The following SHC4 variants were observed in gnomAD, a reference collection of about 807,000 sequenced individuals.
SHC4 encodes the protein SHC adaptor protein 4.
Under a neutral mutation model 69.4 loss-of-function variants are expected in SHC4, and 41 were observed. That is an observed-to-expected ratio of 0.59 (90% CI 0.46 to 0.77). The LOEUF (loss-of-function observed/expected upper bound fraction) is 0.77. Ranked by LOEUF, SHC4 falls within the 30% of genes least tolerant of loss-of-function variation. The pLI is 0.00. For missense variants in SHC4, 777 were observed against 783.8 expected (o/e 0.99, Z 0.10); for synonymous variants, 318 against 299.3 (o/e 1.06, Z -0.64).
At chr15:48,948,348 C>T (rs545520529) in intron 1 of SHC4, among the ~76,000 whole-genome samples, 20 of 152,312 alleles carry the variant, frequency 1.3e-4, no homozygotes, top group Middle Eastern at 3.4e-3. Context: ...AAATAGGAAA[C>T]GCATTGTGAG....
At chr15:48,942,013 T>C (rs1360219587) in intron 1 of SHC4, among the ~76,000 whole-genome samples, 1 of 152,182 alleles carries the variant, frequency 6.6e-6, no homozygotes, top group Non-Finnish European at 1.5e-5. Context: ...GTCATATTCT[T>C]ATAAATAATC....
intron 4 of SHC4, among the ~76,000 whole-genome samples, chr15:48,874,530 C>G (rs1466841714): frequency 6.6e-6 from 1 of 152,194 alleles, no homozygotes; most frequent in Non-Finnish European, 1.5e-5. Context: ...ACATTAGATT[C>G]TCATAGGAGA....
chr15:48,848,619 T>C (rs1295729703), intron 9 of SHC4, among the ~76,000 whole-genome samples: 1 of 152,208 alleles, frequency 6.6e-6, no homozygotes, highest in Non-Finnish European at 1.5e-5. Context: ...AGTCTGTTAA[T>C]GTATTTGAAT....
intron 2 of SHC4, among the ~76,000 whole-genome samples, chr15:48,916,856 A>T (rs1050166019): frequency 1.3e-5 from 2 of 152,234 alleles, no homozygotes; most frequent in Non-Finnish European, 2.9e-5. Context: ...ACTGAATACA[A>T]GTTACATGTG....
intron 11 of SHC4, 101 bp from the exon 12 acceptor site, chr15:48,826,227 A>C: frequency 9.0e-7 from 1 of 1,107,308 alleles, no homozygotes; most frequent in Non-Finnish European, 1.2e-6. Flanking sequence ...CCTAAAGTAG[A>C]TACTTTGCTG....
chr15:48,862,321 C>T (rs1446362667), intron 6 of SHC4, among the ~76,000 whole-genome samples: 1 of 151,946 alleles, frequency 6.6e-6, no homozygotes, highest in Admixed American at 6.6e-5. Flanking sequence ...TCCTGGACTG[C>T]CACACATTTG....
At chr15:48,917,534 TA>T (rs1424657725) in intron 2 of SHC4, among the ~76,000 whole-genome samples, 4 of 152,132 alleles carry the variant, frequency 2.6e-5, no homozygotes, top group Non-Finnish European at 5.9e-5. Context: ...TTACTATCAG[TA>T]AAAACCTCCT....
chr15:48,848,744 A>T (rs951335872), intron 9 of SHC4, among the ~76,000 whole-genome samples: 1 of 152,248 alleles, frequency 6.6e-6, no homozygotes, highest in African/African-American at 2.4e-5. Context: ...ACTTACAAAA[A>T]GAAAAATCTT....
At chr15:48,949,356 G>C (rs910604871) in intron 1 of SHC4, among the ~76,000 whole-genome samples, 4 of 148,912 alleles carry the variant, frequency 2.7e-5, no homozygotes, top group Non-Finnish European at 5.9e-5. Context: ...GGGCGACAGA[G>C]TGAGACTCCG....
chr15:48,904,916 GCACACA>G (rs766950039), intron 2 of SHC4, among the ~76,000 whole-genome samples: 1 of 133,202 alleles, frequency 7.5e-6, no homozygotes, highest in Non-Finnish European at 1.6e-5. Flanking sequence ...CGACACACAC[GCACACA>G]CACACACACA....
At chr15:48,877,368 T>A in intron 4 of SHC4, 2 of 843,078 alleles carry the variant, frequency 2.4e-6, no homozygotes, top group Non-Finnish European at 2.9e-6. Flanking sequence ...AAGTGCAGAA[T>A]AAATGAAATG....
At chr15:48,951,195 G>T (rs1011040295) in intron 1 of SHC4, among the ~76,000 whole-genome samples, 1 of 151,946 alleles carries the variant, frequency 6.6e-6, no homozygotes, top group South Asian at 2.1e-4. Context: ...TGCTTTCGGG[G>T]TCACCTTGAA....
chr15:48,830,731 A>G (rs993376559), intron 11 of SHC4, among the ~76,000 whole-genome samples: 1 of 152,244 alleles, frequency 6.6e-6, no homozygotes, highest in Admixed American at 6.5e-5. Flanking sequence ...ATTAATAGAA[A>G]AGAATGCTCA....
chr15:48,851,302 C>A, intron 8 of SHC4, 54 bp from the exon 9 acceptor site: 2 of 1,557,140 alleles, frequency 1.3e-6, no homozygotes, highest in Admixed American at 3.5e-5. Context: ...CATTCATAAA[C>A]TTAAAAGAAA....
At chr15:48,923,867 T>C (rs1900797465) in intron 2 of SHC4, among the ~76,000 whole-genome samples, 1 of 152,008 alleles carries the variant, frequency 6.6e-6, no homozygotes, top group Non-Finnish European at 1.5e-5. Flanking sequence ...TCTCAAACTC[T>C]TGGCCTCAAG....
chr15:48,834,682 C>T, intron 11 of SHC4, 87 bp downstream of exon 11: 1 of 1,542,624 alleles, frequency 6.5e-7, no homozygotes, highest in Admixed American at 1.8e-5. Flanking sequence ...GCCTTGAGCA[C>T]TATTCAATAC....
intron 4 of SHC4, chr15:48,878,768 T>C (rs1303460460): frequency 1.1e-5 from 18 of 1,581,122 alleles, no homozygotes; most frequent in Non-Finnish European, 1.5e-5. Flanking sequence ...AGGAGGAAAC[T>C]ACTTGAGGAG....
chr15:48,833,280 C>A (rs1218266658), intron 11 of SHC4, among the ~76,000 whole-genome samples: 1 of 152,160 alleles, frequency 6.6e-6, no homozygotes, highest in Non-Finnish European at 1.5e-5. Flanking sequence ...TTTTCAATTA[C>A]AGAGGTTTGC....
chr15:48,956,669 A>G (rs1321989442), intron 1 of SHC4, among the ~76,000 whole-genome samples: 2 of 152,002 alleles, frequency 1.3e-5, no homozygotes, highest in Admixed American at 6.6e-5. Flanking sequence ...TCTAAAACTT[A>G]CTGCCTCCAC....
Sources: allele counts gnomAD v4.1 joint callset (sites outside exome capture counted in the v4.1 genomes callset), GRCh38; gene constraint gnomAD v4.1.1; transcripts MANE v1.5; gene names NCBI Gene and HGNC (gene_info 2026-07-23, HGNC 2026-07-21).